The following KCNK10 variants were observed in gnomAD, a reference collection of about 807,000 sequenced individuals.
The protein encoded by KCNK10 is potassium two pore domain channel subfamily K member 10.
KCNK10 carries 25 observed loss-of-function variants against 47.7 expected under a neutral mutation model. That is an observed-to-expected ratio of 0.52 (90% CI 0.38 to 0.73). KCNK10 has a LOEUF of 0.73. KCNK10 is among the 30% of genes least tolerant of loss of function. The pLI, the probability that KCNK10 is intolerant of heterozygous loss-of-function variation, is 0.00. For missense variants in KCNK10, 563 were observed against 714.5 expected (o/e 0.79, Z 2.42); for synonymous variants, 303 against 285.6 (o/e 1.06, Z -0.61).
intron 1 of KCNK10, among the ~76,000 whole-genome samples, chr14:88,277,699 G>C (rs997917907): frequency 2.6e-5 from 4 of 152,152 alleles, no homozygotes; most frequent in African/African-American, 9.7e-5. Flanking sequence ...TAACACCTAG[G>C]TTTGGGGAAT....
intron 1 of KCNK10, among the ~76,000 whole-genome samples, chr14:88,307,556 A>C (rs1474394412): frequency 6.6e-6 from 1 of 152,210 alleles, no homozygotes; most frequent in Non-Finnish European, 1.5e-5. Context: ...CAACTCTGTG[A>C]ATATACTAAA....
intron 4 of KCNK10, among the ~76,000 whole-genome samples, chr14:88,216,738 C>G (rs1885633234): frequency 1.3e-5 from 2 of 152,190 alleles, no homozygotes; most frequent in East Asian, 3.9e-4. Flanking sequence ...TAATTTGGAA[C>G]AGACTTGATT....
At chr14:88,197,909 A>G (rs1884975758) in intron 4 of KCNK10, among the ~76,000 whole-genome samples, 1 of 151,602 alleles carries the variant, frequency 6.6e-6, no homozygotes, top group African/African-American at 2.4e-5. Context: ...GGAAAAAAGA[A>G]AAGAAAAAGT....
At chr14:88,237,923 T>A (rs945431674) in intron 3 of KCNK10, among the ~76,000 whole-genome samples, 1 of 152,228 alleles carries the variant, frequency 6.6e-6, no homozygotes, top group Non-Finnish European at 1.5e-5. Flanking sequence ...ATTTGAAGCT[T>A]TGAAGCCAGG....
rs766139101 is a variant in KCNK10 at position 88,263,507 on chromosome 14, T to C, written c.97A>G (p.Thr33Ala). 2.8e-5 allele frequency: 45 copies of C among 1,613,108 alleles called. No individual in the cohort carries two copies. The highest frequency in any genetic ancestry group is 3.4e-5 in the Non-Finnish European group (40 of 1,180,002). ...GCCGGAGCCGGGGGTTGCCCGTTAG[T>C]GGCGCTCTTGGGCTGGCACACCGGT... Reference protein sequence around the residue: ...AAPVCQPKSATNGQPPAPAPT... With the variant: ...AAPVCQPKSAANGQPPAPAPT... Residue 33 changes from threonine to alanine, a missense_variant, in exon 2 of 7, where the codon ACT (threonine) becomes GCT (alanine). Transcript: ENST00000319231.
chr14:88,292,723 C>T (rs1345495381), intron 1 of KCNK10, among the ~76,000 whole-genome samples: 1 of 152,156 alleles, frequency 6.6e-6, no homozygotes, highest in East Asian at 1.9e-4. Context: ...AAGCCCTCCC[C>T]ACTTGTTCAA....
At chr14:88,272,516 A>G (rs1016628980) in intron 1 of KCNK10, among the ~76,000 whole-genome samples, 3 of 152,158 alleles carry the variant, frequency 2.0e-5, no homozygotes, top group African/African-American at 7.2e-5. Flanking sequence ...CTCAGCCATG[A>G]ATCAGCCTGG....
chr14:88,191,616 TC>T (rs146603552), intron 5 of KCNK10, among the ~76,000 whole-genome samples: 4,624 of 152,290 alleles, frequency 0.03, 121 homozygotes, highest in African/African-American at 0.077. Flanking sequence ...TTTTTTCACT[TC>T]CTTAAACATA....
chr14:88,315,518 T>G (rs112129270), intron 1 of KCNK10, among the ~76,000 whole-genome samples: 1,914 of 152,304 alleles, frequency 0.013, 31 homozygotes, highest in African/African-American at 0.043. Flanking sequence ...CAGGCTCATA[T>G]CACATTAAAT....
chr14:88,219,133 T>C (rs1885715990), intron 4 of KCNK10, among the ~76,000 whole-genome samples: 1 of 152,090 alleles, frequency 6.6e-6, no homozygotes, highest in African/African-American at 2.4e-5. Flanking sequence ...AGTCTCACAA[T>C]AGTAGTATTC....
chr14:88,319,007 A>C (rs1299160097), intron 1 of KCNK10, among the ~76,000 whole-genome samples: 1 of 152,234 alleles, frequency 6.6e-6, no homozygotes, highest in Non-Finnish European at 1.5e-5. Context: ...AATCATCAAC[A>C]AATGATGCTG....
At chr14:88,199,498 A>G (rs1232110395) in intron 4 of KCNK10, among the ~76,000 whole-genome samples, 1 of 152,202 alleles carries the variant, frequency 6.6e-6, no homozygotes, top group Non-Finnish European at 1.5e-5. Flanking sequence ...TGGGAAGGAC[A>G]AGAACCTGGA....
At chr14:88,238,738 C>G (rs1009268146) in intron 3 of KCNK10, among the ~76,000 whole-genome samples, 1 of 152,196 alleles carries the variant, frequency 6.6e-6, no homozygotes, top group Non-Finnish European at 1.5e-5. Flanking sequence ...GCAGAAGAGA[C>G]TTAGCTGTTG....
chr14:88,316,311 C>T (rs991399648), intron 1 of KCNK10, among the ~76,000 whole-genome samples: 2 of 151,848 alleles, frequency 1.3e-5, no homozygotes, highest in Non-Finnish European at 2.9e-5. Flanking sequence ...GTCCTAGACA[C>T]TCACAGGGAG....
At position 88,322,907 on chromosome 14, in the gene KCNK10, G is replaced by C; in HGVS notation, c.-109C>G. On this transcript the variant is annotated 5_prime_UTR_variant, in exon 1 of 7. Transcript: ENST00000319231. The surrounding 1 kb of genome is among the most constrained non-coding windows in gnomAD (Gnocchi z 4.8). ...GTCCAACAAAACAATTTCCGAGGAT[G>C]GGGGAGCCTTGGACTGGCTCGTGGA... 6.3e-7 allele frequency: 1 copy of C among 1,578,438 alleles called. No homozygotes were observed. Among genetic ancestry groups the C allele is most frequent in the Non-Finnish European group, 8.6e-7 (1 of 1,162,786 alleles).
At chr14:88,219,540 C>T (rs1172703299) in intron 4 of KCNK10, among the ~76,000 whole-genome samples, 2 of 152,136 alleles carry the variant, frequency 1.3e-5, no homozygotes, top group Non-Finnish European at 2.9e-5. Context: ...CAACAGCCAC[C>T]TAATTTATGA....
chr14:88,326,527 G>A (rs1888666350), upstream of KCNK10: 1 of 1,232,474 alleles, frequency 8.1e-7, no homozygotes. Context: ...TATTGCTTCA[G>A]GCGGGTTAAG....
In KCNK10 at chr14:88,248,729, G is replaced by A. The variant is rs115730740; in HGVS notation, c.403-7909C>T. Among the ~76,000 whole-genome samples the A allele has an allele frequency of 7.1e-3, 1,054 of 149,206 alleles. 10 individuals are homozygous for A. The highest frequency in any genetic ancestry group is 0.025 in the African/African-American group (1,014 of 39,980). On this transcript the variant is annotated intron_variant, in intron 2 of 6. Coordinates refer to ENST00000319231, the MANE Select transcript of KCNK10 (RefSeq NM_138317.3). ...CCACAGAGCAAGACTGCCCTTTACA[G>A]AACAAGATTCTGTGCCAAAAAAAAA...
intron 1 of KCNK10, among the ~76,000 whole-genome samples, chr14:88,290,397 G>A (rs1035043583): frequency 6.6e-6 from 1 of 152,186 alleles, no homozygotes; most frequent in Non-Finnish European, 1.5e-5. Context: ...AGTCTAACAT[G>A]CAGAATGATA....
Sources: gnomAD v4.1 joint callset for allele counts (sites outside exome capture counted in the v4.1 genomes callset) on GRCh38, gnomAD v4.1.1 for gene constraint, Gnocchi (gnomAD v3.1) non-coding constraint, MANE v1.5 for transcripts, NCBI Gene and HGNC (gene_info 2026-07-23, HGNC 2026-07-21) for gene names.